Variants in CCDC85A observed in about 807,000 individuals in gnomAD.
The protein encoded by CCDC85A is coiled-coil domain-containing protein 85A.
A neutral mutation model predicts 50.2 loss-of-function variants in CCDC85A; 38 were observed. That is an observed-to-expected ratio of 0.76 (90% confidence interval 0.58 to 0.99). The LOEUF (loss-of-function observed/expected upper bound fraction) is 0.99, where lower values mean the gene tolerates loss of function less well. Ranked by LOEUF, CCDC85A falls within the 50% of genes least tolerant of loss-of-function variation. CCDC85A has a pLI of 0.00. For missense variants in CCDC85A, 820 were observed against 742.0 expected (o/e 1.11, Z -1.22); for synonymous variants, 366 against 301.4 (o/e 1.21, Z -2.22).
At chr2:56,257,021 G>GTA (rs1275446471) in intron 2 of CCDC85A, among the ~76,000 whole-genome samples, 5 of 152,076 alleles carry the variant, frequency 3.3e-5, no homozygotes, top group Non-Finnish European at 7.4e-5. Context: ...AGTCCATATA[G>GTA]TACTGCCCTT....
Position 56,219,101 on chromosome 2 carries a change from T to A in CCDC85A, c.1240+25661T>A, listed in dbSNP as rs560682986. On this transcript the variant is annotated intron_variant, in intron 2 of 5. Transcript: ENST00000407595. ...TGGTTGTTGAATTTTGTATATACTA[T>A]TTTTTGTCTTCACACTGACATGCAT... 6.0e-5 allele frequency among the ~76,000 whole-genome samples: 9 copies of A among 150,780 alleles called. No homozygotes were observed. In the South Asian group the frequency reaches 1.9e-3, roughly 32 times the overall value.
chr2:56,232,025 G>T (rs1030579921), intron 2 of CCDC85A, among the ~76,000 whole-genome samples: 1 of 151,912 alleles, frequency 6.6e-6, no homozygotes, highest in Non-Finnish European at 1.5e-5. Flanking sequence ...TCCTCTGCTT[G>T]ACTTCTCAAT....
At chr2:56,201,079 CA>C (rs1558581013) in intron 2 of CCDC85A, among the ~76,000 whole-genome samples, 10,317 of 137,882 alleles carry the variant, frequency 0.075, 474 homozygotes, top group South Asian at 0.1. Context: ...TCTCTCTCCA[CA>C]CACACACACA....
At chr2:56,239,495 C>T (rs1240506262) in intron 2 of CCDC85A, among the ~76,000 whole-genome samples, 6 of 152,096 alleles carry the variant, frequency 3.9e-5, no homozygotes, top group Non-Finnish European at 8.8e-5. Flanking sequence ...AAGTGCATTT[C>T]AGTTTGAATC....
At chr2:56,280,259 C>T (rs1049087552) in intron 2 of CCDC85A, among the ~76,000 whole-genome samples, 1 of 152,150 alleles carries the variant, frequency 6.6e-6, no homozygotes, top group African/African-American at 2.4e-5. Context: ...TTCTTTACTT[C>T]AAGGTTTTGC....
intron 3 of CCDC85A, among the ~76,000 whole-genome samples, chr2:56,370,363 A>G (rs1165945464): frequency 6.6e-6 from 1 of 152,120 alleles, no homozygotes; most frequent in East Asian, 1.9e-4. Context: ...TTGAAAGTTA[A>G]TGATGATGGC....
intron 2 of CCDC85A, among the ~76,000 whole-genome samples, chr2:56,294,185 G>T (rs1234872261): frequency 6.6e-6 from 1 of 152,122 alleles, no homozygotes; most frequent in Non-Finnish European, 1.5e-5. Context: ...AGTAACGCAG[G>T]AACAGAAAAT....
chr2:56,192,417 C>T lies in CCDC85A; in HGVS notation c.277-60C>T. The T allele has an allele frequency of 6.5e-7, 1 of 1,535,376 alleles. No homozygotes were observed. The highest frequency in any genetic ancestry group is 8.8e-7 in the Non-Finnish European group (1 of 1,141,456). Reference sequence around the variant, plus strand: ...TACAGGCTCTCCCTTTCCAGGAAGTCTGAGCCTGCTGACACCTCAGATGTG... The same window carrying T: ...TACAGGCTCTCCCTTTCCAGGAAGTTTGAGCCTGCTGACACCTCAGATGTG... On this transcript the variant is annotated intron_variant, in intron 1 of 5. Coordinates refer to ENST00000407595, the MANE Select transcript of CCDC85A (RefSeq NM_001080433.2). This position sits in a 1 kb window ranked among gnomAD's most constrained non-coding sequence, Gnocchi z 4.7.
chr2:56,224,078 A>T (rs1344669401), intron 2 of CCDC85A, among the ~76,000 whole-genome samples: 2 of 152,132 alleles, frequency 1.3e-5, no homozygotes, highest in Non-Finnish European at 1.5e-5. Context: ...ATCTCCCCAA[A>T]ATATCATTTG....
chr2:56,300,235 T>C (rs1470117219), intron 2 of CCDC85A, among the ~76,000 whole-genome samples: 2 of 152,148 alleles, frequency 1.3e-5, no homozygotes, highest in Non-Finnish European at 2.9e-5. Context: ...GAGTTGGACT[T>C]TAGTATCTAG....
intron 1 of CCDC85A, among the ~76,000 whole-genome samples, chr2:56,187,105 G>C (rs1214842965): frequency 6.6e-6 from 1 of 152,054 alleles, no homozygotes; most frequent in Non-Finnish European, 1.5e-5. Context: ...GAGCTTCCTT[G>C]GACACCATAG....
intron 3 of CCDC85A, among the ~76,000 whole-genome samples, chr2:56,357,247 G>C (rs1047773488): frequency 2.0e-5 from 3 of 152,294 alleles, no homozygotes; most frequent in African/African-American, 7.2e-5. Flanking sequence ...ATAGGCATGA[G>C]AGAAGGTGGG....
chr2:56,283,234 A>C (rs974508632), intron 2 of CCDC85A, among the ~76,000 whole-genome samples: 1 of 152,196 alleles, frequency 6.6e-6, no homozygotes, highest in Non-Finnish European at 1.5e-5. Flanking sequence ...AAAAGCATTC[A>C]GTATTTCACA....
At chr2:56,376,758 T>C (rs1676356071) in intron 5 of CCDC85A, among the ~76,000 whole-genome samples, 1 of 152,250 alleles carries the variant, frequency 6.6e-6, no homozygotes, top group Admixed American at 6.5e-5. Flanking sequence ...AAGCACTGTC[T>C]AACAAATCTA....
At chr2:56,292,710 A>G (rs1042510489) in intron 2 of CCDC85A, among the ~76,000 whole-genome samples, 2 of 152,166 alleles carry the variant, frequency 1.3e-5, no homozygotes, top group Non-Finnish European at 2.9e-5. Flanking sequence ...ACCCCTGGAT[A>G]TATCATTTGT....
intron 2 of CCDC85A, among the ~76,000 whole-genome samples, chr2:56,311,230 T>TA (rs1672678182): frequency 1.3e-5 from 2 of 152,130 alleles, no homozygotes; most frequent in Non-Finnish European, 2.9e-5. Flanking sequence ...TATAGTCAAT[T>TA]ATTTGGAGCA....
chr2:56,194,823 C>T (rs1676460575), intron 2 of CCDC85A, among the ~76,000 whole-genome samples: 1 of 152,180 alleles, frequency 6.6e-6, no homozygotes, highest in African/African-American at 2.4e-5. Flanking sequence ...AAGGTTGAAC[C>T]TTCACTCACT....
chr2:56,356,218 C>A (rs889431789), intron 3 of CCDC85A, among the ~76,000 whole-genome samples: 2 of 152,116 alleles, frequency 1.3e-5, no homozygotes, highest in South Asian at 4.2e-4. Context: ...GTATTGAGTG[C>A]CAAAAGTTAA....
At chr2:56,270,572 C>A (rs1340179076) in intron 2 of CCDC85A, among the ~76,000 whole-genome samples, 1 of 152,172 alleles carries the variant, frequency 6.6e-6, no homozygotes, top group African/African-American at 2.4e-5. Flanking sequence ...CTATTTAAGT[C>A]AAGAACTGGT....
Sources: allele counts gnomAD v4.1 joint callset (sites outside exome capture counted in the v4.1 genomes callset), GRCh38; gene constraint gnomAD v4.1.1; non-coding constraint Gnocchi (gnomAD v3.1); transcripts MANE v1.5; gene names NCBI Gene and HGNC (gene_info 2026-07-23, HGNC 2026-07-21).